The following DPP10 variants were observed in gnomAD, a reference collection of about 807,000 sequenced individuals.
DPP10 encodes dipeptidyl peptidase like 10.
DPP10 carries 33 observed loss-of-function variants against 120.9 expected under a neutral mutation model. The ratio of observed to expected loss-of-function variants is 0.27; its 90% CI spans 0.21 to 0.37. DPP10 has a LOEUF of 0.37. Among genes scored for constraint, DPP10 ranks in the 10% least tolerant of loss-of-function variants. The probability of loss-of-function intolerance (pLI) is 1.00; values close to 1 mark genes in which losing one functional copy is unlikely to be tolerated. For missense variants in DPP10, 816 were observed against 942.8 expected (o/e 0.87, Z 1.76); for synonymous variants, 337 against 326.1 (o/e 1.03, Z -0.36).
chr2:115,628,071 T>C (rs2085512214), intron 5 of DPP10, among the ~76,000 whole-genome samples: 1 of 147,362 alleles, frequency 6.8e-6, no homozygotes, highest in Non-Finnish European at 1.5e-5. Context: ...CCATTTCTGG[T>C]TCTAGGTCTT....
At chr2:114,987,139 C>A (rs1031826684) in intron 1 of DPP10, among the ~76,000 whole-genome samples, 2 of 152,120 alleles carry the variant, frequency 1.3e-5, no homozygotes, top group African/African-American at 4.8e-5. Flanking sequence ...TATTGAAAAT[C>A]TCATTGAACT....
chr2:115,594,527 T>C (rs2082873317), intron 5 of DPP10, among the ~76,000 whole-genome samples: 2 of 152,188 alleles, frequency 1.3e-5, no homozygotes, highest in African/African-American at 4.8e-5. Flanking sequence ...TTAACTCCTG[T>C]TCTTCCCGAT....
intron 1 of DPP10, among the ~76,000 whole-genome samples, chr2:115,304,286 A>G (rs926744404): frequency 5.3e-5 from 8 of 152,026 alleles, no homozygotes; most frequent in Non-Finnish European, 7.4e-5. Context: ...AAGCAAGTCA[A>G]TATAGGGAAG....
chr2:115,836,888 G>T, intron 24 of DPP10, 142 bp downstream of exon 24: 1 of 685,256 alleles, frequency 1.5e-6, no homozygotes, highest in Non-Finnish European at 2.4e-6. Flanking sequence ...ATACATGATA[G>T]AAGGTGGGAA....
intron 5 of DPP10, among the ~76,000 whole-genome samples, chr2:115,674,836 T>G (rs1210992306): frequency 6.6e-6 from 1 of 152,184 alleles, no homozygotes; most frequent in African/African-American, 2.4e-5. Context: ...GAAAACAACT[T>G]TCTTCCGATA....
intron 1 of DPP10, among the ~76,000 whole-genome samples, chr2:114,502,976 C>T (rs1427470876): frequency 1.3e-5 from 2 of 152,102 alleles, no homozygotes; most frequent in Non-Finnish European, 2.9e-5. Flanking sequence ...CATAAAAGTG[C>T]GTGTGTGTCT....
chr2:115,373,510 CATAT>C (rs35938689), intron 3 of DPP10, among the ~76,000 whole-genome samples: 119,054 of 151,340 alleles, frequency 0.79, 47,028 homozygotes, highest in Non-Finnish European at 0.83. Context: ...GAAATCTGAG[CATAT>C]ATTATACCAG....
At chr2:115,838,232 C>T (rs572279568) in intron 24 of DPP10, among the ~76,000 whole-genome samples, 12 of 152,006 alleles carry the variant, frequency 7.9e-5, no homozygotes, top group Non-Finnish European at 1.5e-4. Context: ...TGAAAGAGAG[C>T]GTAAAAATTT....
At chr2:115,256,323 A>G (rs976972116) in intron 1 of DPP10, among the ~76,000 whole-genome samples, 16 of 152,148 alleles carry the variant, frequency 1.1e-4, no homozygotes, top group Non-Finnish European at 1.5e-5. Flanking sequence ...TGATTCAATT[A>G]CCTCCCTCTG....
chr2:115,763,474 T>G (rs777369135), intron 12 of DPP10, among the ~76,000 whole-genome samples: 18 of 152,178 alleles, frequency 1.2e-4, no homozygotes, highest in Non-Finnish European at 2.1e-4. Flanking sequence ...CTCAATGACA[T>G]AATTATCCAT....
At chr2:115,064,461 C>T (rs1023833468) in intron 1 of DPP10, 11 of 243,328 alleles carry the variant, frequency 4.5e-5, no homozygotes, top group African/African-American at 2.4e-4. Context: ...TGGCTCAGAA[C>T]CGTGTGCCCA....
chr2:115,581,421 A>C (rs1273785597), intron 5 of DPP10, among the ~76,000 whole-genome samples: 1 of 151,926 alleles, frequency 6.6e-6, no homozygotes, highest in Admixed American at 6.6e-5. Context: ...TGGGTTAGTG[A>C]TTTTCTCGAG....
chr2:115,376,088 C>A lies in DPP10; in HGVS notation c.271+32176C>A, dbSNP rs11887885. On this transcript the variant is annotated intron_variant, in intron 3 of 25. Transcript: ENST00000410059. ...ATGCAGTAAATTTAGCCCACTCTTG[C>A]TAAAATTGTCTTGGTGGAGCTATAG... 9.4e-3 allele frequency among the ~76,000 whole-genome samples: 1,432 copies of A among 152,042 alleles called. 18 individuals carry two copies. The highest frequency in any genetic ancestry group is 0.033 in the African/African-American group (1,385 of 41,466).
intron 12 of DPP10, among the ~76,000 whole-genome samples, chr2:115,765,619 A>G (rs1423156840): frequency 6.6e-6 from 1 of 152,152 alleles, no homozygotes; most frequent in South Asian, 2.1e-4. Flanking sequence ...GAAATCTTGG[A>G]AATTCTTTTG....
intron 9 of DPP10, among the ~76,000 whole-genome samples, chr2:115,741,076 A>G (rs954744348): frequency 6.6e-6 from 1 of 152,062 alleles, no homozygotes; most frequent in Non-Finnish European, 1.5e-5. Flanking sequence ...GGGTGAGGTC[A>G]TTTACACTTT....
intron 1 of DPP10, among the ~76,000 whole-genome samples, chr2:114,812,066 G>T (rs1460800628): frequency 6.6e-6 from 1 of 152,126 alleles, no homozygotes; most frequent in Non-Finnish European, 1.5e-5. Context: ...AAAATAAAAT[G>T]AAAGCCTCTG....
chr2:114,663,666 T>TAGAGAGAGAGAG lies in DPP10; in HGVS notation c.60+220829_60+220830insGAGAGAGAGAGA, dbSNP rs1264946349. ...ATATATATATATATATATATATATA[T>TAGAGAGAGAGAG]ATAGAGAGAGAGAGAGAGAGAGAGA... On this transcript the variant is annotated intron_variant, in intron 1 of 25. Transcript: ENST00000410059. Among the ~76,000 whole-genome samples the TAGAGAGAGAGAG allele has an allele frequency of 9.3e-3, 859 of 92,458 alleles. 4 individuals carry two copies. Among genetic ancestry groups the TAGAGAGAGAGAG allele is most frequent in the Non-Finnish European group, 0.013 (680 of 53,888 alleles). 60.7% of individuals were successfully genotyped at this position (92,458 alleles called of 152,430 possible). A position where few individuals can be genotyped will look rare whatever the true frequency, so the allele number is the denominator to read the frequency against.
At chr2:114,532,486 C>T (rs57565563) in intron 1 of DPP10, among the ~76,000 whole-genome samples, 16,903 of 151,536 alleles carry the variant, frequency 0.11, 1,080 homozygotes, top group East Asian at 0.24. Flanking sequence ...CTTACCTACC[C>T]ACTACCCAGG....
rs538415477 is a variant in DPP10, at chr2:115,731,279, A to T, written c.697+3343A>T. Among the ~76,000 whole-genome samples the T allele has an allele frequency of 4.6e-5, 7 of 151,742 alleles. No individual in the cohort carries two copies. In the East Asian group the frequency reaches 9.8e-4, roughly 21 times the overall value. On this transcript the variant is annotated intron_variant, in intron 8 of 25. Transcript: ENST00000410059. ...AGGCTGAGGCAGGAAAATCGCTTGA[A>T]CCAGGGAGTTGGAGGTTGCAGAGCC...
Sources: gnomAD v4.1 joint callset for allele counts (sites outside exome capture counted in the v4.1 genomes callset) on GRCh38, gnomAD v4.1.1 for gene constraint, MANE v1.5 for transcripts, NCBI Gene and HGNC (gene_info 2026-07-23, HGNC 2026-07-21) for gene names.